Variants in MMP16 observed in about 807,000 individuals in gnomAD.
MMP16 encodes matrix metallopeptidase 16.
MMP16 carries 12 observed loss-of-function variants against 67.8 expected under a neutral mutation model. The ratio of observed to expected loss-of-function variants is 0.18; its 90% CI spans 0.11 to 0.29. The LOEUF is 0.29. Among genes scored for constraint, MMP16 ranks in the 10% least tolerant of loss-of-function variants. The pLI is 1.00. For synonymous variants in MMP16, 249 were observed against 255.9 expected (o/e 0.97, Z 0.26); for missense variants, 475 against 765.7 (o/e 0.62, Z 4.48).
intron 1 of MMP16, among the ~76,000 whole-genome samples, chr8:88,225,098 C>T (rs1402494972): frequency 1.3e-5 from 2 of 151,866 alleles, no homozygotes; most frequent in Non-Finnish European, 2.9e-5. Context: ...TACATTGAGG[C>T]ATAAAAGATC....
chr8:88,252,643 T>G (rs1391276690), intron 1 of MMP16, among the ~76,000 whole-genome samples: 1 of 28,854 alleles, frequency 3.5e-5, no homozygotes, highest in Non-Finnish European at 8.8e-5. Flanking sequence ...TTCCACCTCT[T>G]AGCAAAAAAA....
chr8:88,206,145 A>T (rs909510043), intron 1 of MMP16, among the ~76,000 whole-genome samples: 1 of 152,014 alleles, frequency 6.6e-6, no homozygotes, highest in Non-Finnish European at 1.5e-5. Flanking sequence ...TGGTAAAAAA[A>T]ATATATAATC....
chr8:88,041,460 A>G lies in MMP16; in HGVS notation c.*1T>C, dbSNP rs766855414. The G allele has an allele frequency of 8.1e-6, 13 of 1,604,988 alleles. No homozygotes were observed. In the South Asian group the frequency reaches 1.3e-4, roughly 16 times the overall value. On this transcript the variant is annotated 3_prime_UTR_variant, in exon 10 of 10. Transcript: ENST00000286614. The surrounding 1 kb of genome is among the most constrained non-coding windows in gnomAD (Gnocchi z 6.0). ...AGAAAGAAAGAAGAAAAAACCCTAC[A>G]TCACACCCACTCTTGCATAGAGCGT...
chr8:88,314,422 T>C (rs1175709350), intron 1 of MMP16, among the ~76,000 whole-genome samples: 1 of 152,250 alleles, frequency 6.6e-6, no homozygotes, highest in Non-Finnish European at 1.5e-5. Flanking sequence ...TTTTATTATA[T>C]GCTAGACATT....
chr8:88,043,543 C>T (rs1378353081), intron 9 of MMP16, among the ~76,000 whole-genome samples: 1 of 152,144 alleles, frequency 6.6e-6, no homozygotes, highest in Non-Finnish European at 1.5e-5. Context: ...TTATCAAATA[C>T]TCCTAGGTTA....
intron 2 of MMP16, among the ~76,000 whole-genome samples, chr8:88,190,034 C>T (rs1809143524): frequency 6.6e-6 from 1 of 152,158 alleles, no homozygotes; most frequent in Admixed American, 6.5e-5. Flanking sequence ...ATAACTTTTT[C>T]CAGCTCTGTG....
At chr8:88,314,658 T>A (rs1381644527) in intron 1 of MMP16, among the ~76,000 whole-genome samples, 1 of 152,162 alleles carries the variant, frequency 6.6e-6, no homozygotes, top group Non-Finnish European at 1.5e-5. Context: ...AAGTATGGGG[T>A]TATCCAGTCT....
At chr8:88,156,711 T>C (rs1232631350) in intron 4 of MMP16, among the ~76,000 whole-genome samples, 1 of 152,094 alleles carries the variant, frequency 6.6e-6, no homozygotes, top group Non-Finnish European at 1.5e-5. Flanking sequence ...GATTTTTTTT[T>C]CAGAAACTTA....
intron 1 of MMP16, among the ~76,000 whole-genome samples, chr8:88,206,476 T>C (rs910945512): frequency 2.0e-5 from 3 of 152,134 alleles, no homozygotes; most frequent in Middle Eastern, 6.3e-3. Flanking sequence ...ACCGCATGTC[T>C]AAAGGATCCC....
intron 1 of MMP16, among the ~76,000 whole-genome samples, chr8:88,229,816 G>A (rs1243300052): frequency 6.6e-6 from 1 of 152,074 alleles, no homozygotes; most frequent in African/African-American, 2.4e-5. Flanking sequence ...CTACATCCAA[G>A]TCTAAATGAC....
chr8:88,313,354 GA>G (rs1811326827), intron 1 of MMP16, among the ~76,000 whole-genome samples: 1 of 152,134 alleles, frequency 6.6e-6, no homozygotes, highest in African/African-American at 2.4e-5. Context: ...TAGGTTGAGA[GA>G]TTTTTTTCCT....
At chr8:88,193,258 G>A (rs1230468969) in intron 2 of MMP16, among the ~76,000 whole-genome samples, 1 of 152,074 alleles carries the variant, frequency 6.6e-6, no homozygotes, top group Non-Finnish European at 1.5e-5. Context: ...GCAGCAACGT[G>A]GGATAGAATT....
At chr8:88,193,566 A>C (rs965902675) in intron 2 of MMP16, among the ~76,000 whole-genome samples, 1 of 152,110 alleles carries the variant, frequency 6.6e-6, no homozygotes, top group Non-Finnish European at 1.5e-5. Context: ...AATTTATTGC[A>C]TATTTAACTA....
chr8:88,312,873 CAGG>C (rs1269173458), intron 1 of MMP16, among the ~76,000 whole-genome samples: 2 of 152,100 alleles, frequency 1.3e-5, no homozygotes, highest in Admixed American at 6.6e-5. Flanking sequence ...GAGGCTGAGG[CAGG>C]AGAATTGCTT....
intron 6 of MMP16, among the ~76,000 whole-genome samples, chr8:88,083,398 C>T (rs912674716): frequency 2.6e-5 from 4 of 151,944 alleles, no homozygotes; most frequent in African/African-American, 9.7e-5. Context: ...CAAGGTAAGC[C>T]TGGAACAATT....
chr8:88,253,868 G>T (rs1810263226), intron 1 of MMP16, among the ~76,000 whole-genome samples: 1 of 151,640 alleles, frequency 6.6e-6, no homozygotes, highest in African/African-American at 2.4e-5. Flanking sequence ...TAGAGACATG[G>T]TCTCACTGTT....
At chr8:88,201,490 TTTAG>T (rs1809344635) in intron 1 of MMP16, among the ~76,000 whole-genome samples, 1 of 152,150 alleles carries the variant, frequency 6.6e-6, no homozygotes, top group Admixed American at 6.5e-5. Flanking sequence ...ATAGCATTTA[TTTAG>T]TAAGAATCTC....
chr8:88,040,640 A>G lies in MMP16; in HGVS notation c.*821T>C, dbSNP rs1245174503. The stretch of plus-strand genomic sequence containing the variant: ...AATGATGGAGGAGTAAGGTGGAAAG[A>G]AGGGGTTTAGAAATACTTCAAAAAC... On this transcript the variant is annotated 3_prime_UTR_variant, in exon 10 of 10. Coordinates refer to ENST00000286614, the MANE Select transcript of MMP16 (RefSeq NM_005941.5). The G allele has an allele frequency of 6.6e-6, 1 of 152,640 alleles. No individual in the cohort carries two copies. The highest frequency in any genetic ancestry group is 1.5e-5 in the Non-Finnish European group (1 of 68,042). 9.5% of individuals were successfully genotyped at this position (152,640 alleles called of 1,614,324 possible).
intron 1 of MMP16, among the ~76,000 whole-genome samples, chr8:88,226,703 C>T (rs534348030): frequency 4.9e-4 from 75 of 152,058 alleles, no homozygotes; most frequent in Admixed American, 9.8e-4. Context: ...CAAAAGCCAG[C>T]TCTTGTGTCC....
Sources: gnomAD v4.1 joint callset for allele counts (sites outside exome capture counted in the v4.1 genomes callset) on GRCh38, gnomAD v4.1.1 for gene constraint, Gnocchi (gnomAD v3.1) non-coding constraint, MANE v1.5 for transcripts, NCBI Gene and HGNC (gene_info 2026-07-23, HGNC 2026-07-21) for gene names.